The following AMOTL1 variants were observed in gnomAD, a reference collection of about 807,000 sequenced individuals.
The protein encoded by AMOTL1 is angiomotin like 1.
In AMOTL1, 45 loss-of-function variants were observed where a neutral mutation model predicts 102.9. The observed-to-expected ratio is 0.44, with a 90% CI of 0.34 to 0.56. The LOEUF (loss-of-function observed/expected upper bound fraction) is 0.56. Among genes scored for constraint, AMOTL1 ranks in the 20% least tolerant of loss-of-function variants. AMOTL1 has a pLI of 0.01. For synonymous variants in AMOTL1, 481 were observed against 484.7 expected, an observed-to-expected ratio of 0.99 and a Z score of 0.10; for missense variants, 1,114 against 1,225.6, an observed-to-expected ratio of 0.91 and a Z score of 1.36.
chr11:94,849,660 C>G (rs1313600931), intron 6 of AMOTL1, among the ~76,000 whole-genome samples: 1 of 152,120 alleles, frequency 6.6e-6, no homozygotes, highest in Non-Finnish European at 1.5e-5. Flanking sequence ...TGCTGTCTAG[C>G]CTCAGGCAAA....
intron 1 of AMOTL1, among the ~76,000 whole-genome samples, chr11:94,727,281 T>C (rs1344050301): frequency 1.3e-5 from 2 of 152,222 alleles, no homozygotes; most frequent in African/African-American, 4.8e-5. Context: ...TGTAGTATTA[T>C]TGTTAATACT....
chr11:94,812,993 C>T (rs909761815), intron 3 of AMOTL1, among the ~76,000 whole-genome samples: 1 of 152,342 alleles, frequency 6.6e-6, no homozygotes, highest in East Asian at 1.9e-4. Context: ...ACATATGCAA[C>T]CTTCCATAAC....
chr11:94,840,311 AAGTGTT>A (rs1952270788), intron 6 of AMOTL1, among the ~76,000 whole-genome samples: 1 of 152,178 alleles, frequency 6.6e-6, no homozygotes, highest in African/African-American at 2.4e-5. Context: ...TGAGGGGACA[AAGTGTT>A]TGTTTTAAGT....
chr11:94,850,297 C>T, intron 7 of AMOTL1, 38 bp downstream of exon 7: 2 of 1,565,634 alleles, frequency 1.3e-6, no homozygotes, highest in Admixed American at 1.9e-5. Flanking sequence ...GGGAAGAGGG[C>T]AAGCAGAGCC....
chr11:94,787,275 A>G (rs1281384566), intron 1 of AMOTL1, among the ~76,000 whole-genome samples: 1 of 152,086 alleles, frequency 6.6e-6, no homozygotes, highest in Non-Finnish European at 1.5e-5. Context: ...ATAGATTTGT[A>G]AGGGTAGACA....
rs148535202 is a variant in AMOTL1 at position 94,811,958 on chromosome 11, A to G, written c.1122-9572A>G. On this transcript the variant is annotated intron_variant, in intron 3 of 12. Coordinates refer to ENST00000433060, the MANE Select transcript of AMOTL1 (RefSeq NM_130847.3). ...TCCAGAAAGGAGTTACCTGCACTCC[A>G]TCATGCAGAAAAACTTGTCTTCCTT... 7.6e-3 allele frequency among the ~76,000 whole-genome samples: 1,165 copies of G among 152,306 alleles called. 4 individuals carry two copies. Among genetic ancestry groups the G allele is most frequent in the Middle Eastern group, 0.017 (5 of 294 alleles).
chr11:94,749,406 A>G (rs1002301725), intron 3 of AMOTL1, among the ~76,000 whole-genome samples: 1 of 152,222 alleles, frequency 6.6e-6, no homozygotes, highest in Admixed American at 6.5e-5. Context: ...CATTGAAGGC[A>G]GATCTTCCCC....
At chr11:94,745,657 T>G in intron 3 of AMOTL1, among the ~76,000 whole-genome samples, 1 of 152,230 alleles carries the variant, frequency 6.6e-6, no homozygotes, top group East Asian at 1.9e-4. Context: ...AGTTATTTAA[T>G]CAACTCAACT....
In AMOTL1 at chr11:94,852,381, A is replaced by G. The variant is rs186179490; in HGVS notation, c.1795-1552A>G. Among the ~76,000 whole-genome samples, 311 of 152,372 alleles carry G rather than the reference A, an allele frequency of 2.0e-3. 1 individual carries two copies. The highest frequency in any genetic ancestry group is 7.2e-3 in the African/African-American group (299 of 41,594). On this transcript the variant is annotated intron_variant, in intron 7 of 12. Transcript: ENST00000433060. The stretch of plus-strand genomic sequence containing the variant: ...GTCAGAAAGCTCACCTAGCAGCTAA[A>G]TCACTAGCATGTTCCAGCTTGCCAG...
chr11:94,842,166 C>G (rs1216003426), intron 6 of AMOTL1, among the ~76,000 whole-genome samples: 1 of 152,200 alleles, frequency 6.6e-6, no homozygotes, highest in Non-Finnish European at 1.5e-5. Flanking sequence ...ATACCAATAG[C>G]ATCCTCTTAT....
intron 4 of AMOTL1, 70 bp from the exon 5 acceptor site, chr11:94,829,980 A>G: frequency 6.9e-7 from 1 of 1,458,790 alleles, no homozygotes; most frequent in Admixed American, 2.5e-5. Context: ...GCAATGTCTA[A>G]GAATCCATTT....
At chr11:94,750,630 A>G (rs1254933530) in intron 3 of AMOTL1, among the ~76,000 whole-genome samples, 1 of 152,156 alleles carries the variant, frequency 6.6e-6, no homozygotes, top group Non-Finnish European at 1.5e-5. Context: ...GATGTACCCT[A>G]GATCTCTCCA....
intron 2 of AMOTL1, among the ~76,000 whole-genome samples, chr11:94,736,436 G>C (rs190116183): frequency 6.6e-6 from 1 of 152,198 alleles, no homozygotes; most frequent in Admixed American, 6.5e-5. Flanking sequence ...ATTTTTAGTA[G>C]AGATGGAGTT....
At chr11:94,853,593 G>A (rs945781685) in intron 7 of AMOTL1, among the ~76,000 whole-genome samples, 2 of 152,078 alleles carry the variant, frequency 1.3e-5, no homozygotes, top group African/African-American at 2.4e-5. Flanking sequence ...ATAAACATAC[G>A]TGCAAAAACT....
intron 8 of AMOTL1, among the ~76,000 whole-genome samples, chr11:94,855,103 T>C (rs915866322): frequency 6.6e-5 from 10 of 152,144 alleles, no homozygotes; most frequent in Admixed American, 3.3e-4. Context: ...GTGTTCTAAA[T>C]TGGGATACCA....
intron 6 of AMOTL1, among the ~76,000 whole-genome samples, chr11:94,848,989 G>C (rs1262918528): frequency 6.6e-6 from 1 of 152,222 alleles, no homozygotes; most frequent in African/African-American, 2.4e-5. Flanking sequence ...CTATGGTTCA[G>C]TGTGGGTTGC....
At chr11:94,861,005 G>A (rs997731535) in intron 9 of AMOTL1, among the ~76,000 whole-genome samples, 1 of 152,214 alleles carries the variant, frequency 6.6e-6, no homozygotes, top group African/African-American at 2.4e-5. Flanking sequence ...CCATTCGGGC[G>A]TTGGTGTCTG....
chr11:94,810,647 T>C (rs1273316690), intron 3 of AMOTL1, among the ~76,000 whole-genome samples: 1 of 152,224 alleles, frequency 6.6e-6, no homozygotes, highest in East Asian at 1.9e-4. Context: ...TCTGGTGCCT[T>C]CTTTGTTTTC....
chr11:94,740,501 T>TCGC (rs1222774989), intron 2 of AMOTL1: 1 of 151,446 alleles, frequency 6.6e-6, no homozygotes, highest in African/African-American at 2.4e-5. Flanking sequence ...CGAGGGGTGC[T>TCGC]CGCCGCCGCC....
Sources: gnomAD v4.1 joint callset for allele counts (sites outside exome capture counted in the v4.1 genomes callset) on GRCh38, gnomAD v4.1.1 for gene constraint, MANE v1.5 for transcripts, NCBI Gene and HGNC (gene_info 2026-07-23, HGNC 2026-07-21) for gene names.